Variants in DPP10 observed in about 807,000 individuals in gnomAD.
DPP10 encodes the protein dipeptidyl peptidase like 10, also known as inactive dipeptidyl peptidase 10.
DPP10 carries 33 observed loss-of-function variants against 120.9 expected under a neutral mutation model. The observed-to-expected ratio is 0.27, with a 90% CI of 0.21 to 0.37. The LOEUF is 0.37. Ranked by LOEUF, DPP10 falls within the 10% of genes least tolerant of loss-of-function variation. The probability of loss-of-function intolerance (pLI) is 1.00; values close to 1 mark genes in which losing one functional copy is unlikely to be tolerated. For missense variants in DPP10, 816 were observed against 942.8 expected (o/e 0.87, Z 1.76); for synonymous variants, 337 against 326.1 (o/e 1.03, Z -0.36).
chr2:114,783,647 G>C (rs990585533), intron 1 of DPP10, among the ~76,000 whole-genome samples: 7 of 152,072 alleles, frequency 4.6e-5, no homozygotes, highest in African/African-American at 7.2e-5. Flanking sequence ...GACCAGCCTG[G>C]ACAACATGAC....
chr2:114,965,594 G>T (rs961186757), intron 1 of DPP10, among the ~76,000 whole-genome samples: 1 of 152,070 alleles, frequency 6.6e-6, no homozygotes, highest in Admixed American at 6.5e-5. Flanking sequence ...GTAAATCTAG[G>T]TGATTGGTTA....
At chr2:115,739,149 C>A (rs1242790682) in intron 8 of DPP10, among the ~76,000 whole-genome samples, 1 of 152,084 alleles carries the variant, frequency 6.6e-6, no homozygotes, top group African/African-American at 2.4e-5. Flanking sequence ...CTTTACTCTC[C>A]TCTTTCTAAT....
At position 114,517,437 on chromosome 2, in the gene DPP10, T is replaced by C. The variant is rs530054339; in HGVS notation, c.60+74599T>C. On this transcript the variant is annotated intron_variant, in intron 1 of 25. Coordinates refer to ENST00000410059, the MANE Select transcript of DPP10 (RefSeq NM_020868.6). ...CGGGAGGCTGAGACAGGAGAATTGC[T>C]TGAACCTGGGAGACGGAGGCTGCAG... 9.2e-5 allele frequency among the ~76,000 whole-genome samples: 14 copies of C among 152,020 alleles called. No individual in the cohort carries two copies. The East Asian group carries it at 2.3e-3, about 25-fold the overall frequency.
intron 1 of DPP10, among the ~76,000 whole-genome samples, chr2:115,205,725 C>T (rs2056075689): frequency 1.3e-5 from 2 of 152,042 alleles, no homozygotes. Context: ...ATGTTCTTTG[C>T]AGTAACGTGG....
chr2:115,780,737 A>C, intron 15 of DPP10, 137 bp from the exon 16 acceptor site: 1 of 653,256 alleles, frequency 1.5e-6, no homozygotes, highest in Non-Finnish European at 2.4e-6. Flanking sequence ...GTATATGGTG[A>C]TTCATAGTTT....
chr2:115,346,879 TA>T (rs2063736371), intron 3 of DPP10, among the ~76,000 whole-genome samples: 1 of 152,182 alleles, frequency 6.6e-6, no homozygotes, highest in Non-Finnish European at 1.5e-5. Context: ...TCATTATGCT[TA>T]AGTATAAAAC....
chr2:115,107,585 G>A (rs1323763103), intron 1 of DPP10, among the ~76,000 whole-genome samples: 1 of 151,770 alleles, frequency 6.6e-6, no homozygotes, highest in Non-Finnish European at 1.5e-5. Flanking sequence ...AGGTAGGTAG[G>A]TAGATAAATA....
intron 1 of DPP10, among the ~76,000 whole-genome samples, chr2:115,092,747 TA>T (rs1709379635): frequency 6.6e-6 from 1 of 152,202 alleles, no homozygotes; most frequent in African/African-American, 2.4e-5. Flanking sequence ...ATCTTCATAA[TA>T]AAACTACTTG....
At chr2:114,516,795 C>A (rs1321581288) in intron 1 of DPP10, among the ~76,000 whole-genome samples, 9 of 152,160 alleles carry the variant, frequency 5.9e-5, no homozygotes, top group Non-Finnish European at 2.9e-5. Context: ...TGTTTTCTGA[C>A]AATACACTGT....
Position 114,539,267 on chromosome 2 carries a change from T to C in DPP10, c.60+96429T>C, listed in dbSNP as rs115061843. 3.3e-3 allele frequency among the ~76,000 whole-genome samples: 495 copies of C among 150,192 alleles called. 3 individuals are homozygous for C. Among genetic ancestry groups the C allele is most frequent in the African/African-American group, 0.011 (452 of 41,180 alleles). On this transcript the variant is annotated intron_variant, in intron 1 of 25. Transcript: ENST00000410059. ...TATATTATAAACACATAATTACATATATACAATTATATATAACTTCTAGGA... is the reference window on the plus strand; with the variant it reads ...TATATTATAAACACATAATTACATACATACAATTATATATAACTTCTAGGA...
At chr2:114,458,288 C>T (rs1280880580) in intron 1 of DPP10, among the ~76,000 whole-genome samples, 1 of 152,162 alleles carries the variant, frequency 6.6e-6, no homozygotes, top group East Asian at 1.9e-4. Flanking sequence ...CTATATTAAT[C>T]TAGGAACTTC....
chr2:115,679,879 AG>A (rs2090531190), intron 5 of DPP10, among the ~76,000 whole-genome samples: 1 of 151,724 alleles, frequency 6.6e-6, no homozygotes, highest in Non-Finnish European at 1.5e-5. Flanking sequence ...GGTTTCATAA[AG>A]GATATAAAAT....
intron 1 of DPP10, among the ~76,000 whole-genome samples, chr2:115,229,447 G>T (rs1322184003): frequency 6.6e-6 from 1 of 152,050 alleles, no homozygotes; most frequent in East Asian, 1.9e-4. Flanking sequence ...AGAAATCTTT[G>T]CCAACTACAA....
intron 5 of DPP10, among the ~76,000 whole-genome samples, chr2:115,593,752 A>G (rs1007064086): frequency 1.3e-5 from 2 of 152,180 alleles, no homozygotes; most frequent in Non-Finnish European, 1.5e-5. Context: ...ATTTTTTACC[A>G]AAGACAAATC....
chr2:114,856,519 A>G (rs1448414247), intron 1 of DPP10, among the ~76,000 whole-genome samples: 1 of 152,244 alleles, frequency 6.6e-6, no homozygotes, highest in Non-Finnish European at 1.5e-5. Context: ...CATTAACATT[A>G]TAAATATCCA....
At chr2:114,750,091 T>G (rs1679059434) in intron 1 of DPP10, among the ~76,000 whole-genome samples, 1 of 152,158 alleles carries the variant, frequency 6.6e-6, no homozygotes, top group African/African-American at 2.4e-5. Flanking sequence ...TTTATATGTT[T>G]GTTTAAAGTA....
intron 4 of DPP10, among the ~76,000 whole-genome samples, chr2:115,520,808 C>T (rs2077760736): frequency 6.6e-6 from 1 of 152,154 alleles, no homozygotes; most frequent in Non-Finnish European, 1.5e-5. Context: ...TCTTTAATAT[C>T]TGACATCTTG....
At chr2:114,744,512 A>C (rs1309519608) in intron 1 of DPP10, among the ~76,000 whole-genome samples, 1 of 152,196 alleles carries the variant, frequency 6.6e-6, no homozygotes, top group East Asian at 1.9e-4. Context: ...TCAGAGAGGG[A>C]GTGATTCTGA....
In DPP10 at chr2:114,559,552, G is replaced by A. The variant is rs74915646; in HGVS notation, c.60+116714G>A. 1.0e-2 allele frequency among the ~76,000 whole-genome samples: 1,518 copies of A among 152,236 alleles called. 9 individuals carry two copies. Among genetic ancestry groups the A allele is most frequent in the Middle Eastern group, 0.017 (5 of 294 alleles). On this transcript the variant is annotated intron_variant, in intron 1 of 25. Coordinates refer to ENST00000410059, the MANE Select transcript of DPP10 (RefSeq NM_020868.6). ...AATTTTGTGGTAATTTGTCACATAA[G>A]CAACAGGAAACTCATACACTTAGTT... is the stretch of plus-strand genomic sequence containing the variant.
Sources: gnomAD v4.1 joint callset for allele counts (sites outside exome capture counted in the v4.1 genomes callset) on GRCh38, gnomAD v4.1.1 for gene constraint, MANE v1.5 for transcripts, NCBI Gene and HGNC (gene_info 2026-07-23, HGNC 2026-07-21) for gene names.